PEMT: variants seen among roughly 807,000 people sequenced by gnomAD.
The protein encoded by PEMT is phospholipid methyltransferase.
PEMT carries 23 observed loss-of-function variants against 27.4 expected under a neutral mutation model. The ratio of observed to expected loss-of-function variants is 0.84; its 90% CI spans 0.60 to 1.19. The LOEUF (loss-of-function observed/expected upper bound fraction) is 1.19, where lower values mean the gene tolerates loss of function less well. PEMT is among the 50% of genes most tolerant of loss of function. The pLI is 0.00. For missense variants in PEMT, 307 were observed against 310.1 expected (o/e 0.99, Z 0.07); for synonymous variants, 137 against 139.1 (o/e 0.98, Z 0.11).
chr17:17,514,839 T>G (rs1293623741), intron 3 of PEMT, among the ~76,000 whole-genome samples: 1 of 152,160 alleles, frequency 6.6e-6, no homozygotes, highest in Admixed American at 6.5e-5. Context: ...CCTGCAAGCA[T>G]CTGGCTCCTT....
At chr17:17,565,458 G>A (rs1234594527) in intron 2 of PEMT, among the ~76,000 whole-genome samples, 8 of 152,254 alleles carry the variant, frequency 5.3e-5, no homozygotes, top group Admixed American at 2.6e-4. Context: ...CTTCTGAACC[G>A]GGAGGCCCAG....
intron 2 of PEMT, among the ~76,000 whole-genome samples, chr17:17,542,783 C>A (rs968172621): frequency 6.6e-6 from 1 of 152,208 alleles, no homozygotes; most frequent in Non-Finnish European, 1.5e-5. Context: ...GATGAGCAAA[C>A]CCAGGTTGAG....
At chr17:17,533,076 A>T (rs912233684) in intron 2 of PEMT, among the ~76,000 whole-genome samples, 2 of 152,240 alleles carry the variant, frequency 1.3e-5, no homozygotes, top group African/African-American at 2.4e-5. Context: ...TCACTTCCTG[A>T]TTTCAAACTT....
chr17:17,591,579 C>T lies in PEMT; in HGVS notation c.48G>A (p.Val16=). ...GGCCTCCGCAGCAGTCAGGCCCTGC[C>T]ACCGAGCTGTTCGTTACCTCGGCTC... ...NPGAEVTNSS[V]AGPDCCGGLG... Residue 16 remains valine (V), a synonymous_variant, in exon 1 of 7, where the codon GTG becomes GTA. Coordinates refer to ENST00000255389, the MANE Select transcript of PEMT (RefSeq NM_148172.3). 6.2e-7 allele frequency: 1 copy of T among 1,613,852 alleles called. No individual in the cohort carries two copies. Among genetic ancestry groups the T allele is most frequent in the Non-Finnish European group, 8.5e-7 (1 of 1,179,850 alleles).
chr17:17,558,696 AAAAC>A (rs1567723453), intron 2 of PEMT, among the ~76,000 whole-genome samples: 1 of 125,154 alleles, frequency 8.0e-6, no homozygotes, highest in Admixed American at 8.3e-5. Flanking sequence ...AAAAAAAAAA[AAAAC>A]AAAAAGAAAG....
chr17:17,532,848 C>T (rs1190419580), intron 2 of PEMT, among the ~76,000 whole-genome samples: 2 of 152,240 alleles, frequency 1.3e-5, no homozygotes, highest in East Asian at 1.9e-4. Flanking sequence ...GCCAACATGG[C>T]GAAACCTGTC....
At chr17:17,585,252 C>T (rs1287053252) in intron 1 of PEMT, among the ~76,000 whole-genome samples, 2 of 152,120 alleles carry the variant, frequency 1.3e-5, no homozygotes, top group East Asian at 1.9e-4. Flanking sequence ...GCAGGAGAAT[C>T]GCATGAACCT....
intron 2 of PEMT, among the ~76,000 whole-genome samples, chr17:17,537,335 G>A (rs1184738168): frequency 1.3e-5 from 2 of 152,132 alleles, no homozygotes; most frequent in Non-Finnish European, 2.9e-5. Context: ...CTGCTACTAA[G>A]AACCCCCCAC....
intron 2 of PEMT, among the ~76,000 whole-genome samples, chr17:17,531,621 C>CAAAAAAAAAAAAAAAAAAAAAAAAAAAA (rs58165466): frequency 1.6e-5 from 1 of 62,382 alleles, no homozygotes; most frequent in Non-Finnish European, 2.9e-5. Flanking sequence ...CTATCATATG[C>CAAAAAAAAAAAAAAAAAAAAAAAAAAAA]AAAAAAAAAA....
chr17:17,514,432 A>C (rs1203209339), intron 3 of PEMT, among the ~76,000 whole-genome samples: 2 of 152,256 alleles, frequency 1.3e-5, no homozygotes, highest in Admixed American at 6.5e-5. Flanking sequence ...AGAGCAGAGA[A>C]GGAGCCAGGG....
chr17:17,552,572 C>G (rs927139778), intron 2 of PEMT, among the ~76,000 whole-genome samples: 10 of 152,230 alleles, frequency 6.6e-5, no homozygotes, highest in African/African-American at 2.2e-4. Context: ...AGTCCACCCC[C>G]ATTCCCGGTT....
chr17:17,586,264 G>GAAAA (rs1320675366), intron 1 of PEMT, among the ~76,000 whole-genome samples: 1 of 109,756 alleles, frequency 9.1e-6, no homozygotes, highest in East Asian at 3.0e-4. Context: ...AAGAAAGAAA[G>GAAAA]AAAGAAAGAA....
intron 2 of PEMT, among the ~76,000 whole-genome samples, chr17:17,562,957 C>T (rs1910593314): frequency 6.6e-6 from 1 of 152,172 alleles, no homozygotes; most frequent in African/African-American, 2.4e-5. Flanking sequence ...CTGCATGCAG[C>T]CATCCTTTCC....
chr17:17,591,658 C>A lies in PEMT; in HGVS notation c.-32G>T. The A allele has an allele frequency of 6.3e-7, 1 of 1,596,320 alleles. No homozygotes were observed. On this transcript the variant is annotated 5_prime_UTR_variant, in exon 1 of 7. Coordinates refer to ENST00000255389, the MANE Select transcript of PEMT (RefSeq NM_148172.3). ...GCCGCCTCAGGAGGCACCACGCGGG[C>A]CCCGCTGCAGCCACGCGCCCCCGGA... is the stretch of plus-strand genomic sequence containing the variant.
intron 1 of PEMT, among the ~76,000 whole-genome samples, chr17:17,577,874 G>A (rs940536039): frequency 5.3e-5 from 8 of 151,842 alleles, no homozygotes; most frequent in Middle Eastern, 3.4e-3. Flanking sequence ...AAAATTAGCC[G>A]GGCATGGTGG....
rs556209009 is a variant in PEMT, at chr17:17,568,363, TTTC to T, written c.204+8554_204+8556del. ...ACTCCTTGGTTAATAAGTTGTGAGC[TTTC>T]TTATTAACCAAATGCTGATTTTTCT... On this transcript the variant is annotated intron_variant, in intron 2 of 6. Coordinates refer to ENST00000255389, the MANE Select transcript of PEMT (RefSeq NM_148172.3). Among the ~76,000 whole-genome samples the T allele has an allele frequency of 2.0e-4, 31 of 152,332 alleles. 1 individual carries two copies. In the East Asian group the frequency reaches 4.1e-3, roughly 20 times the overall value.
chr17:17,585,565 C>T (rs993424249), intron 1 of PEMT, among the ~76,000 whole-genome samples: 2 of 152,118 alleles, frequency 1.3e-5, no homozygotes, highest in African/African-American at 4.8e-5. Context: ...CTAATACCTG[C>T]CACCCCGCTC....
chr17:17,572,929 C>T (rs1366692303), intron 2 of PEMT, among the ~76,000 whole-genome samples: 1 of 152,246 alleles, frequency 6.6e-6, no homozygotes, highest in African/African-American at 2.4e-5. Context: ...TGGCTCATGC[C>T]TGTAATCCCA....
intron 1 of PEMT, among the ~76,000 whole-genome samples, chr17:17,583,061 C>CAAAA (rs1293433045): frequency 3.4e-4 from 35 of 101,842 alleles, no homozygotes; most frequent in African/African-American, 1.2e-3. Context: ...GACTCCATCT[C>CAAAA]AAAAAAAAAA....
Sources: allele counts gnomAD v4.1 joint callset (sites outside exome capture counted in the v4.1 genomes callset), GRCh38; gene constraint gnomAD v4.1.1; transcripts MANE v1.5; gene names NCBI Gene and HGNC (gene_info 2026-07-23, HGNC 2026-07-21).